Variants in CFAP299 observed in about 807,000 individuals in gnomAD.
The protein encoded by CFAP299 is cilia- and flagella-associated protein 299.
A neutral mutation model predicts 27.0 loss-of-function variants in CFAP299; 21 were observed. The ratio of observed to expected loss-of-function variants is 0.78; its 90% CI spans 0.55 to 1.12. The LOEUF (loss-of-function observed/expected upper bound fraction) is 1.12. Among genes scored for constraint, CFAP299 ranks in the 50% most tolerant of loss-of-function variants. The pLI is 0.00. For missense variants in CFAP299, 310 were observed against 276.6 expected, an observed-to-expected ratio of 1.12 and a Z score of -0.86; for synonymous variants, 104 against 98.1, an observed-to-expected ratio of 1.06 and a Z score of -0.36.
chr4:80,713,000 G>T (rs1447513692), intron 3 of CFAP299, among the ~76,000 whole-genome samples: 1 of 152,022 alleles, frequency 6.6e-6, no homozygotes, highest in Non-Finnish European at 1.5e-5. Context: ...CAAGCAGTGT[G>T]CTGGGTGCTG....
intron 3 of CFAP299, among the ~76,000 whole-genome samples, chr4:80,604,890 C>CGGAA (rs1737566878): frequency 6.2e-5 from 1 of 16,014 alleles, no homozygotes; most frequent in Non-Finnish European, 1.2e-4. Flanking sequence ...AATATAATAC[C>CGGAA]AGAAAAAAAA....
chr4:80,412,243 C>G (rs1726756050), intron 2 of CFAP299, among the ~76,000 whole-genome samples: 1 of 149,608 alleles, frequency 6.7e-6, no homozygotes, highest in African/African-American at 2.5e-5. Flanking sequence ...CACTTCATTT[C>G]TGATCAATAG....
At chr4:80,799,434 TATA>T (rs1199457931) in intron 3 of CFAP299, among the ~76,000 whole-genome samples, 9 of 92,360 alleles carry the variant, frequency 9.7e-5, no homozygotes, top group Admixed American at 4.0e-4. Flanking sequence ...TTATAATATA[TATA>T]ATATTTATAA....
At chr4:80,858,315 T>C (rs1382583801) in intron 3 of CFAP299, among the ~76,000 whole-genome samples, 3 of 152,160 alleles carry the variant, frequency 2.0e-5, no homozygotes, top group Admixed American at 2.0e-4. Context: ...TTTATTAGTC[T>C]TGCTAGCGGT....
intron 3 of CFAP299, among the ~76,000 whole-genome samples, chr4:80,692,388 C>T (rs1005089397): frequency 6.6e-6 from 1 of 152,136 alleles, no homozygotes; most frequent in African/African-American, 2.4e-5. Flanking sequence ...AGAAATAACG[C>T]CACATATCTA....
chr4:80,427,092 G>A (rs527804314), intron 2 of CFAP299, among the ~76,000 whole-genome samples: 3 of 152,160 alleles, frequency 2.0e-5, no homozygotes, highest in African/African-American at 7.2e-5. Flanking sequence ...TGAGGAAAAC[G>A]GGATATCACA....
At chr4:80,583,676 C>T (rs899557364) in intron 3 of CFAP299, among the ~76,000 whole-genome samples, 1 of 151,878 alleles carries the variant, frequency 6.6e-6, no homozygotes, top group African/African-American at 2.4e-5. Context: ...TATACTTTTA[C>T]TTTATTAAAA....
At chr4:80,325,371 C>A in the CFAP299 span, among the ~76,000 whole-genome samples, 3 of 152,134 alleles carry the variant, frequency 2.0e-5, no homozygotes, top group African/African-American at 7.2e-5. Flanking sequence ...CTATTTATAA[C>A]AACTTTTCAT....
intron 3 of CFAP299, among the ~76,000 whole-genome samples, chr4:80,864,458 GTA>G (rs1732578414): frequency 7.0e-6 from 1 of 141,976 alleles, no homozygotes; most frequent in Non-Finnish European, 1.5e-5. Flanking sequence ...ACCTATATAA[GTA>G]TATATATACC....
At chr4:80,456,609 A>G (rs549326215) in intron 2 of CFAP299, among the ~76,000 whole-genome samples, 46 of 152,304 alleles carry the variant, frequency 3.0e-4, no homozygotes, top group Non-Finnish European at 5.3e-4. Context: ...AGAATGAAAT[A>G]GACCATAAGA....
chr4:80,782,162 A>C (rs1726917577), intron 3 of CFAP299, among the ~76,000 whole-genome samples: 1 of 152,016 alleles, frequency 6.6e-6, no homozygotes. Flanking sequence ...GTTCAGGGAC[A>C]TTGACATTCT....
At chr4:80,556,420 T>C (rs1383592456) in intron 2 of CFAP299, among the ~76,000 whole-genome samples, 1 of 152,074 alleles carries the variant, frequency 6.6e-6, no homozygotes, top group Non-Finnish European at 1.5e-5. Flanking sequence ...ACAATAATTA[T>C]ATATTACTGA....
At chr4:80,632,779 GA>G (rs1739279123) in intron 3 of CFAP299, among the ~76,000 whole-genome samples, 1 of 151,240 alleles carries the variant, frequency 6.6e-6, no homozygotes, top group South Asian at 2.1e-4. Context: ...TATTGTCAAA[GA>G]AATACAAATT....
rs1206048104 is a variant in CFAP299, at chr4:80,784,509, T to TTTTCTTTTCTTTCTTTC, written c.334-85481_334-85480insCTTTTCTTTCTTTCTTT. ...CTTTCTTTCTTTCTTTTCTTTCTTT[T>TTTTCTTTTCTTTCTTTC]TTTTCTTTTCTTTCTTTCTTTTTTT... On this transcript the variant is annotated intron_variant, in intron 3 of 5. Transcript: ENST00000358105. 5.9e-5 allele frequency among the ~76,000 whole-genome samples: 9 copies of TTTTCTTTTCTTTCTTTC among 152,128 alleles called. 1 individual carries two copies. The highest frequency in any genetic ancestry group is 2.2e-4 in the African/African-American group (9 of 41,518).
At chr4:80,692,353 A>T (rs1720773825) in intron 3 of CFAP299, among the ~76,000 whole-genome samples, 2 of 152,306 alleles carry the variant, frequency 1.3e-5, no homozygotes, top group South Asian at 4.1e-4. Flanking sequence ...AGAGATATAG[A>T]TCAATGGAAC....
At chr4:80,748,316 A>G (rs1724736966) in intron 3 of CFAP299, among the ~76,000 whole-genome samples, 1 of 152,138 alleles carries the variant, frequency 6.6e-6, no homozygotes, top group Non-Finnish European at 1.5e-5. Context: ...AGAGTTATCT[A>G]TTGAGAATGG....
chr4:80,759,056 TA>T (rs1448828100), intron 3 of CFAP299, among the ~76,000 whole-genome samples: 2 of 152,194 alleles, frequency 1.3e-5, no homozygotes, highest in Admixed American at 1.3e-4. Flanking sequence ...TATATACATT[TA>T]AAAAATAAGT....
intron 3 of CFAP299, among the ~76,000 whole-genome samples, chr4:80,749,330 A>G (rs1724797114): frequency 6.6e-6 from 1 of 152,202 alleles, no homozygotes; most frequent in African/African-American, 2.4e-5. Context: ...TGTGTATAAC[A>G]TAAGAATTAA....
intron 4 of CFAP299, among the ~76,000 whole-genome samples, chr4:80,899,623 A>G (rs1331919327): frequency 6.6e-6 from 1 of 152,226 alleles, no homozygotes; most frequent in Non-Finnish European, 1.5e-5. Flanking sequence ...TAAACTAGGC[A>G]TGTCAGAGAT....
Sources: allele counts gnomAD v4.1 joint callset (sites outside exome capture counted in the v4.1 genomes callset), GRCh38; gene constraint gnomAD v4.1.1; transcripts MANE v1.5; gene names NCBI Gene and HGNC (gene_info 2026-07-23, HGNC 2026-07-21).